Variants in COG5 observed in about 807,000 individuals in gnomAD.
COG5 encodes the protein component of oligomeric golgi complex 5.
A neutral mutation model predicts 110.4 loss-of-function variants in COG5; 86 were observed. That is an observed-to-expected ratio of 0.78 (90% confidence interval 0.65 to 0.93). The LOEUF (loss-of-function observed/expected upper bound fraction) is 0.93. Among genes scored for constraint, COG5 ranks in the 40% least tolerant of loss-of-function variants. The pLI, the probability that COG5 is intolerant of heterozygous loss-of-function variation, is 0.00. For missense variants in COG5, 1,077 were observed against 987.0 expected, an observed-to-expected ratio of 1.09 and a Z score of -1.22; for synonymous variants, 360 against 334.6, an observed-to-expected ratio of 1.08 and a Z score of -0.83.
intron 21 of COG5, among the ~76,000 whole-genome samples, chr7:107,206,197 G>A (rs1450459034): frequency 1.3e-5 from 2 of 152,066 alleles, no homozygotes; most frequent in African/African-American, 4.8e-5. Context: ...TCTTGACCTC[G>A]TGATCCGCCC....
intron 17 of COG5, among the ~76,000 whole-genome samples, chr7:107,246,704 TA>T (rs1189307556): frequency 6.6e-6 from 1 of 151,972 alleles, no homozygotes; most frequent in Non-Finnish European, 1.5e-5. Context: ...TGGCTATCAT[TA>T]AAAAGACAAA....
intron 14 of COG5, among the ~76,000 whole-genome samples, chr7:107,278,221 T>C (rs549962899): frequency 9.9e-5 from 15 of 152,276 alleles, no homozygotes; most frequent in Admixed American, 2.0e-4. Flanking sequence ...CTATTAATGA[T>C]CTGATTTCCC....
intron 19 of COG5, among the ~76,000 whole-genome samples, chr7:107,228,959 A>G (rs1800566150): frequency 6.6e-6 from 1 of 152,204 alleles, no homozygotes; most frequent in Non-Finnish European, 1.5e-5. Flanking sequence ...TTGATCCTCT[A>G]GTTTCCAGTA....
chr7:107,549,334 T>C (rs1563095335), intron 3 of COG5: 1 of 152,242 alleles, frequency 6.6e-6, no homozygotes, highest in Non-Finnish European at 1.5e-5. Flanking sequence ...GTCTTAACCT[T>C]GTTCCAGCTC....
Position 107,468,241 on chromosome 7 carries a change from T to C in COG5, c.539-55609A>G, listed in dbSNP as rs556013047. Reference sequence around the variant, plus strand: ...ACCCTTTCAAGTCAGTAAATTTCTCTGTACCTTTGTTTCTTCTACTTCATG... The same window carrying C: ...ACCCTTTCAAGTCAGTAAATTTCTCCGTACCTTTGTTTCTTCTACTTCATG... On this transcript the variant is annotated intron_variant, in intron 6 of 21. Coordinates refer to ENST00000297135, the MANE Select transcript of COG5 (RefSeq NM_006348.5). Among the ~76,000 whole-genome samples, 5 of 152,328 alleles carry C rather than the reference T, an allele frequency of 3.3e-5. No homozygotes were observed. The East Asian group carries it at 7.7e-4, about 24-fold the overall frequency.
intron 14 of COG5, among the ~76,000 whole-genome samples, chr7:107,270,964 A>T (rs1240936807): frequency 7.4e-6 from 1 of 135,248 alleles, no homozygotes; most frequent in Non-Finnish European, 1.5e-5. Context: ...CCTGATCTCA[A>T]GTGATTCTCC....
chr7:107,241,748 A>G (rs1230428972), intron 17 of COG5, among the ~76,000 whole-genome samples: 3 of 152,054 alleles, frequency 2.0e-5, no homozygotes, highest in African/African-American at 7.2e-5. Flanking sequence ...CACCGCGCCC[A>G]GCCTGTGCTT....
At chr7:107,405,551 C>T (rs1050443625) in intron 7 of COG5, among the ~76,000 whole-genome samples, 4 of 152,180 alleles carry the variant, frequency 2.6e-5, no homozygotes, top group African/African-American at 9.7e-5. Flanking sequence ...GACAGACACA[C>T]ACAATTAAAC....
chr7:107,539,340 G>T (rs760361655), intron 5 of COG5, among the ~76,000 whole-genome samples: 4 of 152,148 alleles, frequency 2.6e-5, no homozygotes, highest in Non-Finnish European at 4.4e-5. Context: ...ACTTAAAGTT[G>T]CAGTTTCCAA....
At chr7:107,417,219 T>C (rs1360345595) in intron 6 of COG5, among the ~76,000 whole-genome samples, 1 of 152,212 alleles carries the variant, frequency 6.6e-6, no homozygotes, top group Non-Finnish European at 1.5e-5. Flanking sequence ...CTTCAGATGT[T>C]TCTAAAATAC....
intron 6 of COG5, among the ~76,000 whole-genome samples, chr7:107,460,219 A>G (rs528925609): frequency 1.3e-5 from 2 of 152,252 alleles, no homozygotes; most frequent in East Asian, 3.9e-4. Flanking sequence ...CCCAGGCAAC[A>G]CGGTGAGACC....
intron 11 of COG5, among the ~76,000 whole-genome samples, chr7:107,319,168 T>C (rs1478969837): frequency 6.6e-6 from 1 of 151,982 alleles, no homozygotes; most frequent in Admixed American, 6.6e-5. Context: ...TATGTGGAGG[T>C]TCCATTTGAT....
intron 10 of COG5, among the ~76,000 whole-genome samples, chr7:107,324,906 T>C (rs192085260): frequency 2.1e-4 from 32 of 152,296 alleles, no homozygotes; most frequent in African/African-American, 5.8e-4. Flanking sequence ...TGTTAGCTAT[T>C]ATTATTACAT....
intron 18 of COG5, among the ~76,000 whole-genome samples, chr7:107,235,487 A>G (rs1377486054): frequency 6.6e-6 from 1 of 152,222 alleles, no homozygotes; most frequent in Non-Finnish European, 1.5e-5. Flanking sequence ...GGTGGATCAC[A>G]AGGTCAGGAG....
At chr7:107,410,578 G>C (rs937167675) in intron 7 of COG5, among the ~76,000 whole-genome samples, 1 of 152,112 alleles carries the variant, frequency 6.6e-6, no homozygotes, top group African/African-American at 2.4e-5. Context: ...GAGTCGCTGG[G>C]ATTACAGGAG....
chr7:107,269,584 C>G (rs185329793), intron 14 of COG5, among the ~76,000 whole-genome samples: 15 of 152,164 alleles, frequency 9.9e-5, no homozygotes, highest in Admixed American at 9.2e-4. Flanking sequence ...ATCACTCTTT[C>G]CTCATTTTAT....
intron 14 of COG5, among the ~76,000 whole-genome samples, chr7:107,270,811 C>T (rs1476677842): frequency 1.4e-5 from 2 of 146,084 alleles, no homozygotes; most frequent in Non-Finnish European, 3.0e-5. Context: ...ATGTGTGGGA[C>T]TGTTTCTCTT....
intron 5 of COG5, among the ~76,000 whole-genome samples, chr7:107,531,935 T>C (rs905215028): frequency 2.0e-5 from 3 of 152,222 alleles, no homozygotes; most frequent in African/African-American, 4.8e-5. Context: ...CGAGCAGTCG[T>C]TGATAGCCTC....
intron 6 of COG5, among the ~76,000 whole-genome samples, chr7:107,468,389 A>T (rs1170006887): frequency 1.3e-5 from 2 of 151,800 alleles, no homozygotes; most frequent in African/African-American, 2.4e-5. Context: ...CTCTGGTCTT[A>T]GTTTTAAGCT....
Sources: allele counts gnomAD v4.1 joint callset (sites outside exome capture counted in the v4.1 genomes callset), GRCh38; gene constraint gnomAD v4.1.1; transcripts MANE v1.5; gene names NCBI Gene and HGNC (gene_info 2026-07-23, HGNC 2026-07-21).